CTNNA3: variants seen among roughly 807,000 people sequenced by gnomAD.
CTNNA3 encodes the protein catenin alpha-3.
In CTNNA3, 76 loss-of-function variants were observed where a neutral mutation model predicts 95.7. The ratio of observed to expected loss-of-function variants is 0.79; its 90% CI spans 0.66 to 0.96. The LOEUF is 0.96. Ranked by LOEUF, CTNNA3 falls within the 40% of genes least tolerant of loss-of-function variation. The pLI, the probability that CTNNA3 is intolerant of heterozygous loss-of-function variation, is 0.00. For missense variants in CTNNA3, 1,191 were observed against 1,089.8 expected (o/e 1.09, Z -1.31); for synonymous variants, 431 against 374.4 (o/e 1.15, Z -1.74).
intron 2 of CTNNA3, among the ~76,000 whole-genome samples, chr10:67,610,522 A>G (rs1055496616): frequency 2.6e-5 from 4 of 151,994 alleles, no homozygotes; most frequent in Admixed American, 2.0e-4. Context: ...AGCTGAAACT[A>G]TTTTTTTTAA....
chr10:66,150,171 G>A (rs2084122460), intron 13 of CTNNA3, among the ~76,000 whole-genome samples: 1 of 152,232 alleles, frequency 6.6e-6, no homozygotes, highest in African/African-American at 2.4e-5. Context: ...AATTATGGGG[G>A]TGGATATTTC....
At chr10:66,720,407 C>T (rs987383138) in intron 9 of CTNNA3, among the ~76,000 whole-genome samples, 5 of 152,180 alleles carry the variant, frequency 3.3e-5, no homozygotes, top group Admixed American at 6.5e-5. Context: ...TCATTTGCAA[C>T]AAGTTGATAG....
At chr10:66,210,353 G>T (rs2088062302) in intron 13 of CTNNA3, among the ~76,000 whole-genome samples, 1 of 151,100 alleles carries the variant, frequency 6.6e-6, no homozygotes, top group Non-Finnish European at 1.5e-5. Context: ...TAGAGTCTTT[G>T]CTTACTCTAA....
intron 7 of CTNNA3, among the ~76,000 whole-genome samples, chr10:67,012,744 A>G (rs1266150187): frequency 6.6e-6 from 1 of 152,120 alleles, no homozygotes; most frequent in African/African-American, 2.4e-5. Flanking sequence ...GGTTTTGGAT[A>G]TACACTTCTG....
At chr10:67,326,067 T>A in intron 5 of CTNNA3, among the ~76,000 whole-genome samples, 1 of 152,208 alleles carries the variant, frequency 6.6e-6, no homozygotes, top group East Asian at 1.9e-4. Flanking sequence ...TTATCTGTTT[T>A]CCATTTGCTT....
chr10:67,702,210 A>G (rs1391658655), intron 1 of CTNNA3, among the ~76,000 whole-genome samples: 4 of 152,194 alleles, frequency 2.6e-5, no homozygotes, highest in Admixed American at 2.6e-4. Context: ...AACATTAGAC[A>G]GATCAACGAG....
chr10:65,973,930 CA>C (rs886510722), intron 16 of CTNNA3, among the ~76,000 whole-genome samples: 2 of 152,022 alleles, frequency 1.3e-5, no homozygotes, highest in African/African-American at 4.8e-5. Context: ...AAAACCACAT[CA>C]AAACATGAAT....
chr10:66,642,997 C>T (rs761787899), intron 9 of CTNNA3, among the ~76,000 whole-genome samples: 2 of 152,016 alleles, frequency 1.3e-5, no homozygotes, highest in Non-Finnish European at 2.9e-5. Context: ...AGGGAGAGAG[C>T]TAGATAGATA....
chr10:67,394,925 G>T (rs1342020489), intron 5 of CTNNA3, among the ~76,000 whole-genome samples: 1 of 151,928 alleles, frequency 6.6e-6, no homozygotes, highest in Non-Finnish European at 1.5e-5. Flanking sequence ...TATGCCCAAA[G>T]ATGTCAAAAA....
chr10:66,943,964 T>G (rs996410892), intron 7 of CTNNA3, among the ~76,000 whole-genome samples: 1 of 152,140 alleles, frequency 6.6e-6, no homozygotes, highest in Non-Finnish European at 1.5e-5. Flanking sequence ...TGGTGTAGGG[T>G]CTTTCCTTGA....
At chr10:67,394,420 C>G (rs1344010135) in intron 5 of CTNNA3, among the ~76,000 whole-genome samples, 1 of 151,936 alleles carries the variant, frequency 6.6e-6, no homozygotes, top group Non-Finnish European at 1.5e-5. Context: ...AAAGATAGCA[C>G]AGACAGCTAT....
At chr10:66,196,735 C>T (rs928393570) in intron 13 of CTNNA3, among the ~76,000 whole-genome samples, 1 of 152,134 alleles carries the variant, frequency 6.6e-6, no homozygotes, top group Non-Finnish European at 1.5e-5. Flanking sequence ...ATGGCCAGAG[C>T]TATTATGGCT....
chr10:67,180,791 C>T (rs2132139402), intron 6 of CTNNA3, among the ~76,000 whole-genome samples: 1 of 152,250 alleles, frequency 6.6e-6, no homozygotes, highest in Admixed American at 6.5e-5. Flanking sequence ...CATACACTTG[C>T]TGAGCCTCAA....
chr10:66,336,520 T>C (rs1429189569), intron 12 of CTNNA3, among the ~76,000 whole-genome samples: 4 of 152,166 alleles, frequency 2.6e-5, no homozygotes, highest in Non-Finnish European at 4.4e-5. Flanking sequence ...CCAGGAATTA[T>C]TGCATAGTTT....
At chr10:67,554,647 T>C (rs1297475754) in intron 3 of CTNNA3, among the ~76,000 whole-genome samples, 1 of 152,124 alleles carries the variant, frequency 6.6e-6, no homozygotes. Flanking sequence ...GTAGATTCTG[T>C]ATATTAGCCT....
intron 5 of CTNNA3, among the ~76,000 whole-genome samples, chr10:67,491,014 T>G (rs773299628): frequency 6.6e-6 from 1 of 152,030 alleles, no homozygotes; most frequent in Non-Finnish European, 1.5e-5. Flanking sequence ...TTGCTGAGGC[T>G]TAAGCAACCT....
At chr10:67,576,798 T>A (rs1205987420) in intron 3 of CTNNA3, among the ~76,000 whole-genome samples, 1 of 107,796 alleles carries the variant, frequency 9.3e-6, no homozygotes, top group South Asian at 4.3e-4. Flanking sequence ...AGTGAGAACA[T>A]GCGGTGTTTG....
At chr10:66,865,457 C>A (rs992647361) in intron 7 of CTNNA3, among the ~76,000 whole-genome samples, 3 of 151,820 alleles carry the variant, frequency 2.0e-5, no homozygotes, top group African/African-American at 7.3e-5. Context: ...ATCACAACCA[C>A]AATGTTTCAT....
At position 67,740,521 on chromosome 10, in the gene CTNNA3, C is replaced by A. The variant is rs182465597; in HGVS notation, c.-2+22913G>T. Among the ~76,000 whole-genome samples the A allele has an allele frequency of 5.4e-3, 819 of 151,412 alleles. 28 individuals carry two copies. Among genetic ancestry groups the A allele is most frequent in the African/African-American group, 0.019 (775 of 41,390 alleles). On this transcript the variant is annotated intron_variant, in intron 1 of 17. Coordinates refer to the CTNNA3 transcript ENST00000684154. ...AAGGACATGAACAGACACTTGTCAA[C>A]AGAAGACATTTATGCGGCCAAAAAA...
Sources: gnomAD v4.1 joint callset for allele counts (sites outside exome capture counted in the v4.1 genomes callset) on GRCh38, gnomAD v4.1.1 for gene constraint, MANE v1.5 for transcripts, NCBI Gene and HGNC (gene_info 2026-07-23, HGNC 2026-07-21) for gene names.